Variants in CUX1 observed in about 807,000 individuals in gnomAD.
CUX1 encodes protein CASP.
In CUX1, 31 loss-of-function variants were observed where a neutral mutation model predicts 158.8. That is an observed-to-expected ratio of 0.20 (90% confidence interval 0.15 to 0.26). The LOEUF is 0.26. Ranked by LOEUF, CUX1 falls within the 10% of genes least tolerant of loss-of-function variation. The pLI is 1.00. For synonymous variants in CUX1, 879 were observed against 862.1 expected, an observed-to-expected ratio of 1.02 and a Z score of -0.34; for missense variants, 1,589 against 2,014.6, an observed-to-expected ratio of 0.79 and a Z score of 4.04.
At chr7:101,873,110 A>T (rs956631675) in intron 1 of CUX1, among the ~76,000 whole-genome samples, 2 of 149,132 alleles carry the variant, frequency 1.3e-5, no homozygotes, top group African/African-American at 4.9e-5. Context: ...TGACCTTGTG[A>T]TCCTCCCATC....
chr7:101,819,534 CT>C (rs1792245509), intron 1 of CUX1, among the ~76,000 whole-genome samples: 1 of 152,122 alleles, frequency 6.6e-6, no homozygotes, highest in South Asian at 2.1e-4. Context: ...TTTTTTCCCC[CT>C]GTTGTGGAAG....
chr7:102,140,864 CA>C (rs61268006), intron 8 of CUX1, among the ~76,000 whole-genome samples: 13,006 of 105,070 alleles, frequency 0.12, 726 homozygotes, highest in African/African-American at 0.22. Context: ...GACTTCGTCT[CA>C]AAAAAAAAAA....
At chr7:102,150,020 C>T (rs1454952560) in intron 8 of CUX1, among the ~76,000 whole-genome samples, 1 of 152,182 alleles carries the variant, frequency 6.6e-6, no homozygotes, top group Non-Finnish European at 1.5e-5. Context: ...GGGGAGAGTT[C>T]GCTTGATCAA....
chr7:102,054,444 C>T (rs982773590), intron 3 of CUX1, among the ~76,000 whole-genome samples: 1 of 152,162 alleles, frequency 6.6e-6, no homozygotes, highest in South Asian at 2.1e-4. Context: ...TCATGTCACT[C>T]TTGTCAAAAA....
At chr7:102,036,578 C>T (rs1396169464) in intron 3 of CUX1, among the ~76,000 whole-genome samples, 1 of 151,832 alleles carries the variant, frequency 6.6e-6, no homozygotes, top group Non-Finnish European at 1.5e-5. Context: ...TTCGTCTCTA[C>T]TAAAAATACA....
intron 1 of CUX1, among the ~76,000 whole-genome samples, chr7:101,851,665 A>G (rs559574558): frequency 3.2e-4 from 49 of 152,134 alleles, no homozygotes; most frequent in African/African-American, 1.2e-3. Context: ...CACCTTGTAG[A>G]GTTGTCTTTT....
downstream of CUX1, chr7:102,258,278 G>A (rs553710969): frequency 2.4e-5 from 19 of 776,122 alleles, no homozygotes; most frequent in Admixed American, 6.9e-4. Context: ...GCCTGAGGAC[G>A]AGCAGCAAAC....
chr7:102,200,560 C>T (rs1184199546), intron 17 of CUX1, among the ~76,000 whole-genome samples: 2 of 152,042 alleles, frequency 1.3e-5, no homozygotes, highest in Admixed American at 1.3e-4. Flanking sequence ...AGGCTGGTCT[C>T]GAACTCCTGA....
chr7:102,093,696 A>G (rs1267397442), intron 4 of CUX1, among the ~76,000 whole-genome samples: 1 of 152,228 alleles, frequency 6.6e-6, no homozygotes, highest in Non-Finnish European at 1.5e-5. Flanking sequence ...GTTGTTTGTA[A>G]TAATTATGTT....
At chr7:102,204,859 A>G (rs1466961451) in intron 19 of CUX1, among the ~76,000 whole-genome samples, 1 of 152,274 alleles carries the variant, frequency 6.6e-6, no homozygotes, top group Non-Finnish European at 1.5e-5. Flanking sequence ...AAAGTCAAGT[A>G]GCTGAATCAG....
chr7:101,846,343 G>A (rs1795685484), intron 1 of CUX1, among the ~76,000 whole-genome samples: 1 of 150,430 alleles, frequency 6.6e-6, no homozygotes, highest in Admixed American at 6.6e-5. Context: ...TTTTGAGATA[G>A]GCTGTTGCTC....
chr7:101,905,951 T>A (rs1802703466), intron 1 of CUX1, among the ~76,000 whole-genome samples: 1 of 151,898 alleles, frequency 6.6e-6, no homozygotes, highest in African/African-American at 2.4e-5. Context: ...GCCTCCCAAA[T>A]AGCTGGGACT....
chr7:101,898,263 A>G (rs1801737757), intron 1 of CUX1, among the ~76,000 whole-genome samples: 1 of 152,232 alleles, frequency 6.6e-6, no homozygotes, highest in Non-Finnish European at 1.5e-5. Flanking sequence ...TCACTCTTTA[A>G]GAGCCTTAAA....
intron 1 of CUX1, among the ~76,000 whole-genome samples, chr7:101,874,039 A>G (rs921893613): frequency 6.6e-6 from 1 of 152,256 alleles, no homozygotes; most frequent in African/African-American, 2.4e-5. Flanking sequence ...TAGACTATTC[A>G]GGATGCTTTG....
chr7:101,855,880 A>AAG (rs1278063007), intron 1 of CUX1, among the ~76,000 whole-genome samples: 1 of 149,138 alleles, frequency 6.7e-6, no homozygotes, highest in African/African-American at 2.5e-5. Context: ...TCCAGCTCAA[A>AAG]AAAAAAAAAA....
chr7:101,917,140 A>G (rs940129731), intron 2 of CUX1, among the ~76,000 whole-genome samples: 3 of 152,286 alleles, frequency 2.0e-5, no homozygotes, highest in East Asian at 1.9e-4. Flanking sequence ...GCTCCTCCAT[A>G]TAAGACATAG....
At chr7:101,959,859 A>T (rs926312737) in intron 2 of CUX1, among the ~76,000 whole-genome samples, 2 of 152,180 alleles carry the variant, frequency 1.3e-5, no homozygotes, top group Non-Finnish European at 2.9e-5. Context: ...CCTTTTAAAC[A>T]TAGTTACATG....
intron 4 of CUX1, 128 bp from the exon 5 acceptor site, chr7:102,097,236 C>T: frequency 8.9e-7 from 1 of 1,123,256 alleles, no homozygotes; most frequent in Non-Finnish European, 1.2e-6. Flanking sequence ...GCTGCAGGGG[C>T]ATGACTGTGG....
At chr7:102,209,948 A>G (rs1245668066) in intron 20 of CUX1, among the ~76,000 whole-genome samples, 1 of 152,106 alleles carries the variant, frequency 6.6e-6, no homozygotes, top group Non-Finnish European at 1.5e-5. Flanking sequence ...GTGCAGTGAC[A>G]CAATCACAGC....
Sources: gnomAD v4.1 joint callset for allele counts (sites outside exome capture counted in the v4.1 genomes callset) on GRCh38, gnomAD v4.1.1 for gene constraint, MANE v1.5 for transcripts, NCBI Gene and HGNC (gene_info 2026-07-23, HGNC 2026-07-21) for gene names.